Variants in BCL11B observed in about 807,000 individuals in gnomAD.
BCL11B encodes B-cell lymphoma/leukemia 11B.
A neutral mutation model predicts 49.9 loss-of-function variants in BCL11B; 8 were observed. That is an observed-to-expected ratio of 0.16 (90% CI 0.09 to 0.29). The LOEUF (loss-of-function observed/expected upper bound fraction) is 0.29, where lower values mean the gene tolerates loss of function less well. Among genes scored for constraint, BCL11B ranks in the 10% least tolerant of loss-of-function variants. The pLI is 1.00. For missense variants in BCL11B, 1,006 were observed against 1,351.0 expected, an observed-to-expected ratio of 0.74 and a Z score of 4.00; for synonymous variants, 739 against 637.4, an observed-to-expected ratio of 1.16 and a Z score of -2.40.
chr14:99,199,523 G>A (rs1422523319), intron 3 of BCL11B, among the ~76,000 whole-genome samples: 1 of 152,120 alleles, frequency 6.6e-6, no homozygotes, highest in Non-Finnish European at 1.5e-5. Flanking sequence ...TGATTGGAGC[G>A]CTCTCGACTG....
chr14:99,222,189 C>T (rs1010428616), intron 3 of BCL11B, among the ~76,000 whole-genome samples: 3 of 152,154 alleles, frequency 2.0e-5, no homozygotes, highest in African/African-American at 4.8e-5. Flanking sequence ...CCCCTCTCCC[C>T]GCACCATAAA....
chr14:99,185,975 T>A (rs1254237176), intron 3 of BCL11B, among the ~76,000 whole-genome samples: 1 of 152,244 alleles, frequency 6.6e-6, no homozygotes, highest in South Asian at 2.1e-4. Flanking sequence ...AGATGCACGA[T>A]GTGTCTACTC....
intron 1 of BCL11B, among the ~76,000 whole-genome samples, chr14:99,269,728 G>A (rs967499634): frequency 1.3e-5 from 2 of 151,026 alleles, no homozygotes; most frequent in Non-Finnish European, 3.0e-5. Flanking sequence ...CCGGCAGCCA[G>A]TCCTCTGCGG....
chr14:99,214,481 C>A (rs1887773384), intron 3 of BCL11B, among the ~76,000 whole-genome samples: 1 of 151,416 alleles, frequency 6.6e-6, no homozygotes, highest in African/African-American at 2.4e-5. Context: ...TCACTTGAGC[C>A]CAGAAGGTTG....
rs375191905 is a variant in BCL11B at position 99,169,513 on chromosome 14, TA to T, written c.*4637del. 4.5e-5 allele frequency: 9 copies of T among 200,910 alleles called. No homozygotes were observed. Among genetic ancestry groups the T allele is most frequent in the East Asian group, 7.7e-5 (1 of 12,934 alleles). 12.4% of individuals were successfully genotyped at this position (200,910 alleles called of 1,614,324 possible). A position where few individuals can be genotyped will look rare whatever the true frequency, so the allele number is the denominator to read the frequency against. On this transcript the variant is annotated 3_prime_UTR_variant, in exon 4 of 4. Coordinates refer to ENST00000357195, the MANE Select transcript of BCL11B (RefSeq NM_138576.4). ...TGTCATCTCAACATTTTATCCATAA[TA>T]AAAAAAAGTGCCTGTTTCTTAAACA...
intron 2 of BCL11B, among the ~76,000 whole-genome samples, chr14:99,244,859 A>G (rs1152791): frequency 0.99 from 151,446 of 152,368 alleles, 75,271 homozygotes; most frequent in East Asian, 1. Flanking sequence ...GTAACATACT[A>G]TTTCATATTA....
intron 2 of BCL11B, among the ~76,000 whole-genome samples, chr14:99,238,194 C>T (rs1372492661): frequency 1.3e-5 from 2 of 152,108 alleles, no homozygotes; most frequent in East Asian, 1.9e-4. Context: ...GGAGCACTTC[C>T]GAAATCTCAT....
Position 99,169,509 on chromosome 14 carries a change from A to G in BCL11B, c.*4642T>C, listed in dbSNP as rs1188649252. Reference sequence around the variant, plus strand: ...CTCCTGTCATCTCAACATTTTATCCATAATAAAAAAAAGTGCCTGTTTCTT... The same window carrying G: ...CTCCTGTCATCTCAACATTTTATCCGTAATAAAAAAAAGTGCCTGTTTCTT... On this transcript the variant is annotated 3_prime_UTR_variant, in exon 4 of 4. Transcript: ENST00000357195. The G allele has an allele frequency of 2.0e-5, 4 of 200,682 alleles. No individual in the cohort carries two copies. The highest frequency in any genetic ancestry group is 6.0e-5 in the Admixed American group (1 of 16,690). The allele number at this position is 200,682 out of a possible 1,614,324, so 12.4% of individuals were successfully genotyped here. A position where few individuals can be genotyped will look rare whatever the true frequency, so the allele number is the denominator to read the frequency against.
rs375450214 is a variant in BCL11B, at chr14:99,225,652, G to A, written c.640+5693C>T. Among the ~76,000 whole-genome samples the A allele has an allele frequency of 3.5e-4, 53 of 151,616 alleles. No individual in the cohort carries two copies. The East Asian group carries it at 4.8e-3, about 14-fold the overall frequency. On this transcript the variant is annotated intron_variant, in intron 3 of 3. Transcript: ENST00000357195. ...TTTAAGACAGCTATTAAAAAAAAAG[G>A]GAAAAAAAGAAAGAAAGAAAGAAAC...
intron 1 of BCL11B, among the ~76,000 whole-genome samples, chr14:99,269,143 T>TCCCCCCCCCCCCCCCCC (rs1566838293): frequency 2.4e-5 from 3 of 122,864 alleles, no homozygotes; most frequent in African/African-American, 3.3e-5. Flanking sequence ...CCCCATCCAC[T>TCCCCCCCCCCCCCCCCC]CCCCCTTCCC....
chr14:99,245,612 C>T (rs1274784558), intron 2 of BCL11B, among the ~76,000 whole-genome samples: 1 of 152,210 alleles, frequency 6.6e-6, no homozygotes, highest in Non-Finnish European at 1.5e-5. Flanking sequence ...TGGCGGCGGG[C>T]GGAAGAGGGA....
intron 2 of BCL11B, among the ~76,000 whole-genome samples, chr14:99,238,097 G>A (rs1330725920): frequency 1.3e-5 from 2 of 152,074 alleles, no homozygotes; most frequent in African/African-American, 2.4e-5. Context: ...TGCACCCACC[G>A]TGAGAAGGCT....
Position 99,232,603 on chromosome 14 carries a change from C to T in BCL11B, c.428-1046G>A, listed in dbSNP as rs1213970759. Among the ~76,000 whole-genome samples, 2 of 152,210 alleles carry T rather than the reference C, an allele frequency of 1.3e-5. No homozygotes were observed. Among genetic ancestry groups the T allele is most frequent in the Non-Finnish European group, 2.9e-5 (2 of 68,014 alleles). On this transcript the variant is annotated intron_variant, in intron 2 of 3. Transcript: ENST00000357195. The surrounding 1 kb of genome is among the most constrained non-coding windows in gnomAD (Gnocchi z 5.1). ...CACTCCAGGGCCCCCACGTGGATTC[C>T]CCCATCGCAAGGAGAGCCACAGGAC...
In BCL11B at chr14:99,172,527, C is replaced by CA. The variant is rs1886324714; in HGVS notation, c.*1623dup. On this transcript the variant is annotated 3_prime_UTR_variant, in exon 4 of 4. Transcript: ENST00000357195. ...AGTTTTGCATTTGTCTCAAGAGACTCAAATAGGAAGATCAGTTTTCAAGGC... is the reference window on the plus strand; with the variant it reads ...AGTTTTGCATTTGTCTCAAGAGACTCAAAATAGGAAGATCAGTTTTCAAGGC... The CA allele has an allele frequency of 4.8e-6, 1 of 206,688 alleles. No homozygotes were observed. The highest frequency in any genetic ancestry group is 1.9e-4 in the South Asian group (1 of 5,300). 12.8% of individuals were successfully genotyped at this position (206,688 alleles called of 1,614,324 possible).
chr14:99,204,332 G>C (rs927413721), intron 3 of BCL11B, among the ~76,000 whole-genome samples: 3 of 152,154 alleles, frequency 2.0e-5, no homozygotes, highest in African/African-American at 7.2e-5. Flanking sequence ...GAGAGGCTAA[G>C]GCACCTGTAA....
chr14:99,269,639 G>T (rs1595089801), intron 1 of BCL11B, among the ~76,000 whole-genome samples: 1 of 151,862 alleles, frequency 6.6e-6, no homozygotes, highest in African/African-American at 2.4e-5. Flanking sequence ...GTTTTCAGGG[G>T]AGGGGAGAAC....
Position 99,172,871 on chromosome 14 carries a change from T to C in BCL11B, c.*1280A>G, listed in dbSNP as rs1420580066. On this transcript the variant is annotated 3_prime_UTR_variant, in exon 4 of 4. Coordinates refer to ENST00000357195, the MANE Select transcript of BCL11B (RefSeq NM_138576.4). ...AAAAAAAAAATAAAAACCTGGGAAGTAGCGCTGGGCACCTTCTGATGGAAC... is the reference window on the plus strand; with the variant it reads ...AAAAAAAAAATAAAAACCTGGGAAGCAGCGCTGGGCACCTTCTGATGGAAC... The C allele has an allele frequency of 4.4e-6, 1 of 227,912 alleles. No individual in the cohort carries two copies. Among genetic ancestry groups the C allele is most frequent in the East Asian group, 6.3e-5 (1 of 15,962 alleles). The allele number at this position is 227,912 out of a possible 1,614,324, so 14.1% of individuals were successfully genotyped here. A position where few individuals can be genotyped will look rare whatever the true frequency, so the allele number is the denominator to read the frequency against.
rs571876851 is a variant in BCL11B, at chr14:99,209,462, TCAGTGC to T, written c.640+21877_640+21882del. Among the ~76,000 whole-genome samples, 781 of 149,612 alleles carry T rather than the reference TCAGTGC, an allele frequency of 5.2e-3. 7 individuals carry two copies. The highest frequency in any genetic ancestry group is 0.018 in the African/African-American group (739 of 40,384). ...AGCCTGGTCGTGGGCTGGAATGAGG[TCAGTGC>T]CAGGGCCAGCCCAGCCCAGAGCTGT... On this transcript the variant is annotated intron_variant, in intron 3 of 3. Coordinates refer to ENST00000357195, the MANE Select transcript of BCL11B (RefSeq NM_138576.4).
intron 3 of BCL11B, among the ~76,000 whole-genome samples, chr14:99,183,228 C>T (rs1886759674): frequency 1.3e-5 from 2 of 152,076 alleles, no homozygotes; most frequent in Admixed American, 1.3e-4. Flanking sequence ...CGTTTAGACC[C>T]CACCTAACTC....
Sources: allele counts gnomAD v4.1 joint callset (sites outside exome capture counted in the v4.1 genomes callset), GRCh38; gene constraint gnomAD v4.1.1; non-coding constraint Gnocchi (gnomAD v3.1); transcripts MANE v1.5; gene names NCBI Gene and HGNC (gene_info 2026-07-23, HGNC 2026-07-21).